Variants in PLCZ1 observed in about 807,000 individuals in gnomAD.
PLCZ1 encodes 1-phosphatidylinositol 4,5-bisphosphate phosphodiesterase zeta-1.
A neutral mutation model predicts 76.8 loss-of-function variants in PLCZ1; 64 were observed. The ratio of observed to expected loss-of-function variants is 0.83; its 90% confidence interval spans 0.68 to 1.03. The LOEUF is 1.03. PLCZ1 is among the 50% of genes least tolerant of loss of function. The probability of loss-of-function intolerance (pLI) is 0.00; values close to 1 mark genes in which losing one functional copy is unlikely to be tolerated. For synonymous variants in PLCZ1, 248 were observed against 230.8 expected, an observed-to-expected ratio of 1.07 and a Z score of -0.68; for missense variants, 751 against 713.7, an observed-to-expected ratio of 1.05 and a Z score of -0.60.
the PLCZ1 span, among the ~76,000 whole-genome samples, chr12:18,658,367 C>G: frequency 6.6e-6 from 1 of 152,024 alleles, no homozygotes; most frequent in African/African-American, 2.4e-5. Flanking sequence ...ATAAACATAA[C>G]AAGATTCACA....
downstream of PLCZ1, among the ~76,000 whole-genome samples, chr12:18,678,626 ATTCT>A (rs1952159235): frequency 6.6e-6 from 1 of 152,024 alleles, no homozygotes; most frequent in Non-Finnish European, 1.5e-5. Flanking sequence ...TTTTGCCTAC[ATTCT>A]TTCATTCATT....
intron 5 of PLCZ1, among the ~76,000 whole-genome samples, chr12:18,715,480 C>A (rs1957877665): frequency 1.3e-5 from 2 of 151,738 alleles, no homozygotes; most frequent in Admixed American, 1.3e-4. Flanking sequence ...CGGCTCACTG[C>A]AAGCTCCGCC....
intron 3 of PLCZ1, among the ~76,000 whole-genome samples, chr12:18,735,610 T>C (rs930547002): frequency 2.0e-4 from 30 of 152,126 alleles, no homozygotes; most frequent in African/African-American, 7.2e-4. Flanking sequence ...TGATGGGTTA[T>C]ATGGTTCTTG....
downstream of PLCZ1, among the ~76,000 whole-genome samples, chr12:18,678,914 T>C (rs1952180879): frequency 6.6e-6 from 1 of 152,072 alleles, no homozygotes; most frequent in Admixed American, 6.6e-5. Context: ...TAAGAAATGG[T>C]CAAACTGTTT....
chr12:18,722,253 T>G (rs537726316), intron 4 of PLCZ1, among the ~76,000 whole-genome samples: 1 of 152,164 alleles, frequency 6.6e-6, no homozygotes, highest in African/African-American at 2.4e-5. Flanking sequence ...AGCACTCTCT[T>G]AAGATATCCT....
the PLCZ1 span, among the ~76,000 whole-genome samples, chr12:18,661,255 T>C: frequency 6.6e-6 from 1 of 152,034 alleles, no homozygotes; most frequent in Non-Finnish European, 1.5e-5. Context: ...ACCCCAAATA[T>C]TTCCAAGTGT....
intron 3 of PLCZ1, among the ~76,000 whole-genome samples, chr12:18,725,593 C>T (rs996644500): frequency 6.6e-6 from 1 of 152,074 alleles, no homozygotes; most frequent in Admixed American, 6.6e-5. Context: ...CTCACTGTAC[C>T]TCCTTTGTCT....
chr12:18,684,949 A>G (rs1749655061), intron 13 of PLCZ1, among the ~76,000 whole-genome samples: 1 of 151,908 alleles, frequency 6.6e-6, no homozygotes, highest in Non-Finnish European at 1.5e-5. Context: ...GCCACATGAA[A>G]AGGTCCAAAT....
the PLCZ1 span, among the ~76,000 whole-genome samples, chr12:18,673,624 C>A: frequency 7.2e-5 from 11 of 152,116 alleles, no homozygotes; most frequent in Non-Finnish European, 1.5e-4. Flanking sequence ...TAAAAGAATA[C>A]GCATTAATTA....
chr12:18,703,988 GAAAGTTTATT>G (rs1956264438), intron 7 of PLCZ1, among the ~76,000 whole-genome samples: 2 of 152,136 alleles, frequency 1.3e-5, no homozygotes, highest in Admixed American at 1.3e-4. Context: ...TCATCAAAAA[GAAAGTTTATT>G]TGTAATCTGA....
intron 6 of PLCZ1, among the ~76,000 whole-genome samples, chr12:18,710,274 C>A (rs558617100): frequency 6.7e-6 from 1 of 150,128 alleles, no homozygotes; most frequent in African/African-American, 2.5e-5. Context: ...TTTTTTAATT[C>A]ATTTTTCCAC....
Position 18,719,638 on chromosome 12 carries a change from A to C in PLCZ1, c.368-6T>G. 1 of 1,552,610 alleles carries C rather than the reference A, an allele frequency of 6.4e-7. No homozygotes were observed. Among genetic ancestry groups the C allele is most frequent in the Non-Finnish European group, 8.8e-7 (1 of 1,139,852 alleles). ...CATTTGGTGTGCTTTCCTAACTAAAAAAATAAAATAAAATAAGTTAAAAGG... is the reference window on the plus strand; with the variant it reads ...CATTTGGTGTGCTTTCCTAACTAAACAAATAAAATAAAATAAGTTAAAAGG... On this transcript the variant is annotated splice_polypyrimidine_tract_variant and splice_region_variant and intron_variant, in intron 4 of 14. Transcript: ENST00000266505.
Position 18,683,190 on chromosome 12 carries a change from CTGTTTTATTGCGA to C in PLCZ1, c.*36_*48del. 2 of 1,480,574 alleles carry C rather than the reference CTGTTTTATTGCGA, an allele frequency of 1.4e-6. No homozygotes were observed. The highest frequency in any genetic ancestry group is 1.9e-6 in the Non-Finnish European group (2 of 1,059,892). 91.7% of individuals were successfully genotyped at this position (1,480,574 alleles called of 1,614,324 possible). ...GAAAACATAAAGACATTCATTTTGG[CTGTTTTATTGCGA>C]TGCATAGCTAATGATATGTCATTTA... On this transcript the variant is annotated 3_prime_UTR_variant, in exon 15 of 15. Transcript: ENST00000266505.
At chr12:18,661,246 C>T in the PLCZ1 span, among the ~76,000 whole-genome samples, 1 of 152,008 alleles carries the variant, frequency 6.6e-6, no homozygotes, top group Admixed American at 6.6e-5. Context: ...AGAAATAGTA[C>T]CCCAAATATT....
chr12:18,736,312 C>T lies in PLCZ1; in HGVS notation c.44G>A (p.Arg15Lys), dbSNP rs949353410. ...TTTTTCTAGGTTAATTTTTCCACCT[C>T]TGAAGTCATCCTGAATCTTTGACAA... ...WFLSKIQDDF[R>K]GGKINLEKTQ... is the part of the protein sequence containing the mutation. The change falls in exon 3 of 15, where the codon AGA becomes AAA. Residue 15 changes from arginine to lysine, a missense_variant. By Grantham distance (26) the Arg-to-Lys change is conservative. Coordinates refer to ENST00000266505, the MANE Select transcript of PLCZ1 (RefSeq NM_033123.4). 9 of 1,612,568 alleles carry T rather than the reference C, an allele frequency of 5.6e-6. No homozygotes were observed. The African/African-American group carries it at 1.1e-4, about 19-fold the overall frequency.
At chr12:18,728,275 T>C (rs550127323) in intron 3 of PLCZ1, among the ~76,000 whole-genome samples, 6 of 152,304 alleles carry the variant, frequency 3.9e-5, no homozygotes, top group Non-Finnish European at 8.8e-5. Context: ...TATATCAACA[T>C]TCTTACACTC....
the PLCZ1 span, among the ~76,000 whole-genome samples, chr12:18,659,037 G>A: frequency 3.9e-5 from 6 of 152,116 alleles, no homozygotes; most frequent in African/African-American, 9.7e-5. Flanking sequence ...TTGTATTGGA[G>A]AGGCAAGAGT....
chr12:18,650,631 G>A, the PLCZ1 span, among the ~76,000 whole-genome samples: 1 of 138,580 alleles, frequency 7.2e-6, no homozygotes, highest in African/African-American at 2.6e-5. Flanking sequence ...TGAAATACAC[G>A]AAATACCTAT....
intron 6 of PLCZ1, among the ~76,000 whole-genome samples, chr12:18,708,990 C>G (rs1156649023): frequency 6.6e-6 from 1 of 151,994 alleles, no homozygotes; most frequent in Non-Finnish European, 1.5e-5. Context: ...TGATTGTTTC[C>G]TTTGCTGTGC....
Sources: allele counts gnomAD v4.1 joint callset (sites outside exome capture counted in the v4.1 genomes callset), GRCh38; gene constraint gnomAD v4.1.1; transcripts MANE v1.5; gene names NCBI Gene and HGNC (gene_info 2026-07-23, HGNC 2026-07-21).